The following SFMBT2 variants were observed in gnomAD, a reference collection of about 807,000 sequenced individuals.
The protein encoded by SFMBT2 is Scm like with four mbt domains 2, also known as scm-like with four MBT domains protein 2.
A neutral mutation model predicts 110.1 loss-of-function variants in SFMBT2; 38 were observed. The observed-to-expected ratio is 0.35, with a 90% CI of 0.27 to 0.45. The LOEUF is 0.45. Among genes scored for constraint, SFMBT2 ranks in the 20% least tolerant of loss-of-function variants. The pLI is 1.00. For synonymous variants in SFMBT2, 425 were observed against 425.4 expected (o/e 1.00, Z 0.01); for missense variants, 1,011 against 1,094.9 (o/e 0.92, Z 1.08).
chr10:7,236,615 G>A lies in SFMBT2; in HGVS notation c.1120+6943C>T, dbSNP rs550142516. On this transcript the variant is annotated intron_variant, in intron 9 of 20. Transcript: ENST00000397167. The stretch of plus-strand genomic sequence containing the variant: ...AATTCAATTCAAGCAAGAAAAATAA[G>A]ATAGTTTTCCTTCCTCATGCCAATA... Among the ~76,000 whole-genome samples, 8 of 152,246 alleles carry A rather than the reference G, an allele frequency of 5.3e-5. No homozygotes were observed. The East Asian group carries it at 1.5e-3, about 29-fold the overall frequency.
chr10:7,172,070 G>A lies in SFMBT2; in HGVS notation c.2240C>T (p.Thr747Ile). ...GGCCGAGGGCACCTCCGCCGACGAG[G>A]TGTCCGTCTGGTCATCCCGGAGCTC... ...GSELRDDQTD[T>I]SSAEVPSARP... is the part of the protein sequence containing the mutation. The change falls in exon 19 of 21, where the codon ACC becomes ATC. Residue 747 changes from threonine (T) to isoleucine (I), a missense_variant. Physicochemically the swap from Thr to Ile is moderately conservative, Grantham distance 89. Around this residue, in one of 2 missense-constraint regions of SFMBT2, gnomAD observed 979 missense variants for 1,016.1 expected, o/e 0.96. Coordinates refer to ENST00000397167, the MANE Select transcript of SFMBT2 (RefSeq NM_001387889.1). The surrounding 1 kb of genome is among the most constrained non-coding windows in gnomAD (Gnocchi z 4.6). The A allele has an allele frequency of 3.7e-6, 6 of 1,606,330 alleles. No homozygotes were observed. Among genetic ancestry groups the A allele is most frequent in the Admixed American group, 1.7e-5 (1 of 59,170 alleles).
At chr10:7,198,570 T>C (rs1004575743) in intron 14 of SFMBT2, among the ~76,000 whole-genome samples, 3 of 152,202 alleles carry the variant, frequency 2.0e-5, no homozygotes, top group Non-Finnish European at 4.4e-5. Context: ...CCAACAATGG[T>C]TCCTGTTGCA....
At chr10:7,197,951 G>A in intron 14 of SFMBT2, 1 of 980,368 alleles carries the variant, frequency 1.0e-6, no homozygotes, top group African/African-American at 1.7e-5. Context: ...AAAAACAGAT[G>A]ATTTTCTTCT....
Position 7,258,376 on chromosome 10 carries a change from C to A in SFMBT2, c.871-9727G>T, listed in dbSNP as rs557588502. 6.6e-5 allele frequency among the ~76,000 whole-genome samples: 10 copies of A among 152,298 alleles called. No individual in the cohort carries two copies. In the South Asian group the frequency reaches 2.1e-3, roughly 32 times the overall value. On this transcript the variant is annotated intron_variant, in intron 7 of 20. Coordinates refer to ENST00000397167, the MANE Select transcript of SFMBT2 (RefSeq NM_001387889.1). ...GATATAAAATAAAATAGACAAAAAACAGATATAGGATTCACCCTGCCCAGT... is the reference window on the plus strand; with the variant it reads ...GATATAAAATAAAATAGACAAAAAAAAGATATAGGATTCACCCTGCCCAGT...
In SFMBT2 at chr10:7,209,081, T is replaced by C. The variant is rs80345596; in HGVS notation, c.1331-3153A>G. ...AACAAATCCCATTCTAAATAATGGG[T>C]ACCAAGTTCTTCATTTCCCTTTACC... On this transcript the variant is annotated intron_variant, in intron 11 of 20. Transcript: ENST00000397167. Among the ~76,000 whole-genome samples, 877 of 152,314 alleles carry C rather than the reference T, an allele frequency of 5.8e-3. 9 individuals are homozygous for C. The highest frequency in any genetic ancestry group is 0.02 in the African/African-American group (835 of 41,546).
At chr10:7,187,722 G>A (rs796821728) in intron 16 of SFMBT2, among the ~76,000 whole-genome samples, 16 of 152,222 alleles carry the variant, frequency 1.1e-4, no homozygotes, top group African/African-American at 3.9e-4. Context: ...AAATATTACC[G>A]ATCATACAAA....
chr10:7,229,715 T>G (rs1840057044), intron 9 of SFMBT2, among the ~76,000 whole-genome samples: 2 of 135,648 alleles, frequency 1.5e-5, no homozygotes, highest in South Asian at 4.8e-4. Context: ...TATCCTATTT[T>G]TTGTTGTTGT....
chr10:7,209,109 G>A (rs1164947263), intron 11 of SFMBT2, among the ~76,000 whole-genome samples: 1 of 152,096 alleles, frequency 6.6e-6, no homozygotes, highest in Non-Finnish European at 1.5e-5. Context: ...CCTTTACCAA[G>A]CTTATGAGTC....
At chr10:7,203,417 G>A (rs1241886609) in intron 12 of SFMBT2, 2 of 202,746 alleles carry the variant, frequency 9.9e-6, no homozygotes, top group South Asian at 1.7e-4. Flanking sequence ...CTTTGTTAGC[G>A]GGGTGGGGAT....
At chr10:7,202,263 C>T in intron 13 of SFMBT2, 1 of 257,042 alleles carries the variant, frequency 3.9e-6, no homozygotes, top group Non-Finnish European at 6.1e-6. Context: ...AAAAGTGAGC[C>T]ATGGGAATCT....
intron 4 of SFMBT2, among the ~76,000 whole-genome samples, chr10:7,350,203 T>C (rs914182518): frequency 9.2e-5 from 14 of 151,788 alleles, no homozygotes; most frequent in South Asian, 2.1e-4. Context: ...TTTTTTTTTT[T>C]CCATGGGGTC....
intron 16 of SFMBT2, among the ~76,000 whole-genome samples, chr10:7,185,449 A>T (rs1838371505): frequency 6.6e-6 from 1 of 152,248 alleles, no homozygotes; most frequent in Admixed American, 6.5e-5. Context: ...GCGTAAAAGG[A>T]CAAAAATTAA....
In SFMBT2 at chr10:7,186,418, CTA is replaced by C. The variant is rs140134868; in HGVS notation, c.1808+2204_1808+2205del. ...ACATACATATACACATACATACATACTATATATACACACACACACACACACAC... is the reference window on the plus strand; with the variant it reads ...ACATACATATACACATACATACATACTATATACACACACACACACACACAC... On this transcript the variant is annotated intron_variant, in intron 16 of 20. Transcript: ENST00000397167. Among the ~76,000 whole-genome samples the C allele has an allele frequency of 9.3e-3, 1,218 of 130,288 alleles. 13 individuals carry two copies. Among genetic ancestry groups the C allele is most frequent in the South Asian group, 0.019 (80 of 4,204 alleles). The allele number at this position is 130,288 out of a possible 152,430, so 85.5% of individuals were successfully genotyped here.
At chr10:7,201,685 C>T (rs77814620) in intron 13 of SFMBT2, among the ~76,000 whole-genome samples, 9,304 of 152,244 alleles carry the variant, frequency 0.061, 386 homozygotes, top group Non-Finnish European at 0.087. Flanking sequence ...AAGCAGAATC[C>T]CTTGGCCTGG....
At chr10:7,376,135 C>T (rs1845202937) in intron 2 of SFMBT2, among the ~76,000 whole-genome samples, 1 of 152,124 alleles carries the variant, frequency 6.6e-6, no homozygotes, top group South Asian at 2.1e-4. Flanking sequence ...ATCTACTGAA[C>T]ACTGTGTCAG....
At chr10:7,215,754 C>G in intron 11 of SFMBT2, 1 of 984,648 alleles carries the variant, frequency 1.0e-6, no homozygotes, top group Non-Finnish European at 1.2e-6. Flanking sequence ...CAGGGCCTGA[C>G]CTGCTTCCCT....
chr10:7,178,141 A>G (rs1278714669), intron 16 of SFMBT2, among the ~76,000 whole-genome samples: 1 of 152,152 alleles, frequency 6.6e-6, no homozygotes, highest in Non-Finnish European at 1.5e-5. Context: ...GGGGGTGACA[A>G]GAATGGGGAC....
chr10:7,278,080 G>C (rs535800088), intron 6 of SFMBT2, among the ~76,000 whole-genome samples: 3 of 152,208 alleles, frequency 2.0e-5, no homozygotes, highest in Non-Finnish European at 4.4e-5. Context: ...CACACAAAGG[G>C]TAATTCACAA....
At chr10:7,168,031 G>A (rs1259608774) in intron 20 of SFMBT2, among the ~76,000 whole-genome samples, 3 of 151,024 alleles carry the variant, frequency 2.0e-5, no homozygotes, top group Non-Finnish European at 4.4e-5. Flanking sequence ...TCGCGCCATT[G>A]CACTCTAGCC....
Sources: gnomAD v4.1 joint callset for allele counts (sites outside exome capture counted in the v4.1 genomes callset) on GRCh38, gnomAD v4.1.1 for gene constraint, gnomAD v4.1.1 regional missense constraint, Gnocchi (gnomAD v3.1) non-coding constraint, MANE v1.5 for transcripts, NCBI Gene and HGNC (gene_info 2026-07-23, HGNC 2026-07-21) for gene names.